Variants in RNF150 observed in about 807,000 individuals in gnomAD.
RNF150 encodes the protein ring finger protein 150.
Under a neutral mutation model 39.3 loss-of-function variants are expected in RNF150, and 24 were observed. That is an observed-to-expected ratio of 0.61 (90% confidence interval 0.44 to 0.86). RNF150 has a LOEUF of 0.86. Among genes scored for constraint, RNF150 ranks in the 40% least tolerant of loss-of-function variants. The probability of loss-of-function intolerance (pLI) is 0.00; values close to 1 mark genes in which losing one functional copy is unlikely to be tolerated. For synonymous variants in RNF150, 255 were observed against 227.3 expected, an observed-to-expected ratio of 1.12 and a Z score of -1.10; for missense variants, 502 against 587.8, an observed-to-expected ratio of 0.85 and a Z score of 1.51.
At chr4:140,914,238 A>C (rs985385895) in intron 5 of RNF150, among the ~76,000 whole-genome samples, 2 of 152,230 alleles carry the variant, frequency 1.3e-5, no homozygotes, top group African/African-American at 4.8e-5. Flanking sequence ...GCAAGCACAA[A>C]TAATTTGGCT....
At chr4:141,179,351 C>T (rs191148879) in intron 1 of RNF150, among the ~76,000 whole-genome samples, 21 of 152,270 alleles carry the variant, frequency 1.4e-4, no homozygotes, top group Admixed American at 8.5e-4. Context: ...TTTCATACTT[C>T]GTTCATTGCC....
intron 1 of RNF150, among the ~76,000 whole-genome samples, chr4:141,210,981 G>A (rs1336772226): frequency 1.3e-5 from 2 of 152,040 alleles, no homozygotes; most frequent in Admixed American, 6.5e-5. Context: ...CAATTTTCTT[G>A]CCTAAAAGGT....
chr4:140,974,074 GTC>G lies in RNF150; in HGVS notation c.485-6203_485-6202del, dbSNP rs143780936. The stretch of plus-strand genomic sequence containing the variant: ...TTTTTGCATGTACAAAATTTTAAAT[GTC>G]TCTGTGTTTAATTCTATGAAATTTT... On this transcript the variant is annotated intron_variant, in intron 1 of 6. Coordinates refer to ENST00000515673, the MANE Select transcript of RNF150 (RefSeq NM_020724.2). 4.8e-3 allele frequency among the ~76,000 whole-genome samples: 732 copies of G among 152,078 alleles called. 6 individuals carry two copies. Among genetic ancestry groups the G allele is most frequent in the African/African-American group, 0.017 (692 of 41,502 alleles).
At chr4:141,152,623 A>G (rs1257924316) in intron 1 of RNF150, among the ~76,000 whole-genome samples, 2 of 152,114 alleles carry the variant, frequency 1.3e-5, no homozygotes, top group African/African-American at 4.8e-5. Flanking sequence ...GATCTTCTCA[A>G]CCCTTATATT....
intron 4 of RNF150, among the ~76,000 whole-genome samples, chr4:140,943,820 T>C (rs1732181506): frequency 6.6e-6 from 1 of 152,160 alleles, no homozygotes. Flanking sequence ...TTTACATTTT[T>C]CCTTAGTTGT....
chr4:141,109,897 T>A (rs925740725), intron 1 of RNF150, among the ~76,000 whole-genome samples: 2 of 152,112 alleles, frequency 1.3e-5, no homozygotes, highest in African/African-American at 4.8e-5. Flanking sequence ...CCAATTTAGG[T>A]CTCCAAACAT....
At chr4:140,990,624 A>G (rs1015153701) in intron 1 of RNF150, among the ~76,000 whole-genome samples, 1 of 152,188 alleles carries the variant, frequency 6.6e-6, no homozygotes, top group Non-Finnish European at 1.5e-5. Flanking sequence ...GCTGAGGATA[A>G]TGGCTTCCAG....
chr4:141,000,711 C>T (rs891126012), intron 1 of RNF150, among the ~76,000 whole-genome samples: 4 of 152,138 alleles, frequency 2.6e-5, no homozygotes, highest in Non-Finnish European at 5.9e-5. Context: ...TAATGGGATT[C>T]GTTATAAATG....
At chr4:140,876,107 T>G (rs946284025) in intron 6 of RNF150, among the ~76,000 whole-genome samples, 3 of 152,186 alleles carry the variant, frequency 2.0e-5, no homozygotes, top group Non-Finnish European at 2.9e-5. Context: ...CAAAAGCTTA[T>G]TTTTCCTCAT....
At chr4:141,139,382 G>C (rs762105955) in intron 1 of RNF150, among the ~76,000 whole-genome samples, 1 of 152,166 alleles carries the variant, frequency 6.6e-6, no homozygotes, top group Non-Finnish European at 1.5e-5. Context: ...GTGGAGTGTG[G>C]TCATTTTTAA....
At chr4:141,146,786 T>G (rs1727208117) in intron 1 of RNF150, among the ~76,000 whole-genome samples, 1 of 152,132 alleles carries the variant, frequency 6.6e-6, no homozygotes, top group African/African-American at 2.4e-5. Flanking sequence ...CAAGGCAACT[T>G]TGTTATCTCC....
chr4:140,935,006 TAA>T (rs200724415), intron 4 of RNF150, among the ~76,000 whole-genome samples: 29 of 80,424 alleles, frequency 3.6e-4, no homozygotes, highest in African/African-American at 7.3e-4. Flanking sequence ...TATATATATA[TAA>T]ATATATATAT....
chr4:140,894,521 C>T (rs1199759537), intron 6 of RNF150, among the ~76,000 whole-genome samples: 1 of 152,186 alleles, frequency 6.6e-6, no homozygotes, highest in Non-Finnish European at 1.5e-5. Context: ...CCCCATCCCC[C>T]ACTTTTTAAA....
chr4:141,154,484 C>A (rs917289245), intron 1 of RNF150, among the ~76,000 whole-genome samples: 4 of 152,108 alleles, frequency 2.6e-5, no homozygotes, highest in South Asian at 2.1e-4. Flanking sequence ...GATCAGTGGG[C>A]TAAATGCTGG....
intron 1 of RNF150, among the ~76,000 whole-genome samples, chr4:141,167,146 A>G (rs181402920): frequency 1.8e-4 from 27 of 152,288 alleles, no homozygotes; most frequent in Middle Eastern, 3.4e-3. Flanking sequence ...CATATAGAGC[A>G]ATAATAGACA....
chr4:140,907,315 G>A lies in RNF150; in HGVS notation c.1198+3829C>T, dbSNP rs2303414. On this transcript the variant is annotated intron_variant, in intron 6 of 6. Coordinates refer to ENST00000515673, the MANE Select transcript of RNF150 (RefSeq NM_020724.2). ...CATGTGAGGTTTTAAAAGATGAAATGTCAGAAACATTAAAAAATATGTACT... is the reference window on the plus strand; with the variant it reads ...CATGTGAGGTTTTAAAAGATGAAATATCAGAAACATTAAAAAATATGTACT... 0.031 allele frequency among the ~76,000 whole-genome samples: 4,733 copies of A among 152,272 alleles called. 399 individuals are homozygous for A. In the East Asian group the frequency reaches 0.35, roughly 11 times the overall value.
chr4:140,993,393 CT>C (rs1284135531), intron 1 of RNF150, among the ~76,000 whole-genome samples: 1 of 152,180 alleles, frequency 6.6e-6, no homozygotes, highest in Non-Finnish European at 1.5e-5. Flanking sequence ...CCAGAATAAT[CT>C]CCTCATCTCA....
intron 1 of RNF150, among the ~76,000 whole-genome samples, chr4:141,059,759 G>A (rs532847267): frequency 4.7e-4 from 71 of 152,086 alleles, no homozygotes; most frequent in South Asian, 1.0e-3. Flanking sequence ...TTCTATCTAA[G>A]TAATCCCTCC....
chr4:141,075,189 T>A (rs1364464331), intron 1 of RNF150, among the ~76,000 whole-genome samples: 1 of 152,216 alleles, frequency 6.6e-6, no homozygotes, highest in Non-Finnish European at 1.5e-5. Flanking sequence ...AAGATATGTA[T>A]TTTAGGCTTC....
Sources: allele counts gnomAD v4.1 joint callset (sites outside exome capture counted in the v4.1 genomes callset), GRCh38; gene constraint gnomAD v4.1.1; transcripts MANE v1.5; gene names NCBI Gene and HGNC (gene_info 2026-07-23, HGNC 2026-07-21).